Variants in ADGRE3 observed in about 807,000 individuals in gnomAD.
The protein encoded by ADGRE3 is EGF-like module receptor 3.
Under a neutral mutation model 80.1 loss-of-function variants are expected in ADGRE3, and 88 were observed. That is an observed-to-expected ratio of 1.10 (90% CI 0.93 to 1.31). The LOEUF is 1.31. Ranked by LOEUF, ADGRE3 falls within the 40% of genes most tolerant of loss-of-function variation. The pLI is 0.00. For missense variants in ADGRE3, 715 were observed against 776.5 expected (o/e 0.92, Z 0.94); for synonymous variants, 281 against 294.8 (o/e 0.95, Z 0.48).
the ADGRE3 span, chr19:14,610,016 A>G: frequency 3.6e-6 from 5 of 1,407,970 alleles, no homozygotes; most frequent in Middle Eastern, 1.8e-4. Context: ...GAAGAGTTTC[A>G]CCACCCTAAA....
At chr19:14,639,179 G>A (rs143353593) in intron 10 of ADGRE3, among the ~76,000 whole-genome samples, 8 of 152,114 alleles carry the variant, frequency 5.3e-5, no homozygotes, top group South Asian at 4.2e-4. Context: ...AGCATGAACC[G>A]CCACCCCAGT....
the ADGRE3 span, among the ~76,000 whole-genome samples, chr19:14,612,931 T>TTA: frequency 3.1e-3 from 385 of 124,020 alleles, 1 homozygote; most frequent in African/African-American, 9.5e-3. Flanking sequence ...ATCAATTTAT[T>TTA]TTTTTTTTTT....
the ADGRE3 span, among the ~76,000 whole-genome samples, chr19:14,605,563 C>T: frequency 1.7e-4 from 26 of 152,322 alleles, no homozygotes; most frequent in East Asian, 4.4e-3. Flanking sequence ...CTTTCCACCA[C>T]CCTAGAAAGT....
chr19:14,662,058 T>C lies in ADGRE3; in HGVS notation c.260A>G (p.Asn87Ser). The C allele has an allele frequency of 6.2e-7, 1 of 1,614,092 alleles. No individual in the cohort carries two copies. Among genetic ancestry groups the C allele is most frequent in the Non-Finnish European group, 8.5e-7 (1 of 1,179,932 alleles). The change falls in exon 4 of 16, where the codon AAT (asparagine) becomes AGT (serine). Residue 87 changes from asparagine to serine, a missense_variant. Asn to Ser is a conservative substitution (Grantham distance 46). Coordinates refer to ENST00000253673, the MANE Select transcript of ADGRE3 (RefSeq NM_032571.5). ...TTGACAGTAGAAACTTCCTTCGACA[T>C]TGTAACACACAGCGTTAAATCCACA... ...VYCGFNAVCY[N>S]VEGSFYCQCV...
chr19:14,643,727 T>C (rs1383617353), intron 9 of ADGRE3, among the ~76,000 whole-genome samples: 2 of 152,068 alleles, frequency 1.3e-5, no homozygotes, highest in East Asian at 3.9e-4. Flanking sequence ...TTTTTTTTTT[T>C]TGAGATGGAG....
intron 1 of ADGRE3, among the ~76,000 whole-genome samples, chr19:14,672,912 C>T (rs1184215815): frequency 6.6e-6 from 1 of 152,086 alleles, no homozygotes; most frequent in Non-Finnish European, 1.5e-5. Flanking sequence ...CATGCCCAAC[C>T]CTGGAATCCT....
rs578083484 is a variant in ADGRE3, at chr19:14,627,229, TC to T, written c.1813-1631del. Among the ~76,000 whole-genome samples the T allele has an allele frequency of 6.6e-5, 10 of 152,228 alleles. No homozygotes were observed. In the South Asian group the frequency reaches 2.1e-3, roughly 32 times the overall value. ...GCATTTCCCCAGACATTGCTAACTG[TC>T]CCGTGGTGGGAACACAATTGCTCCT... On this transcript the variant is annotated intron_variant, in intron 14 of 15. Coordinates refer to ENST00000253673, the MANE Select transcript of ADGRE3 (RefSeq NM_032571.5).
In ADGRE3 at chr19:14,659,469, T is replaced by A. The variant is rs570299905; in HGVS notation, c.356-919A>T. ...ATGATAACCGAAACAGAAGCATCAGTGTCTGGTCATCAGCTGTTAATGAAG... is the reference window on the plus strand; with the variant it reads ...ATGATAACCGAAACAGAAGCATCAGAGTCTGGTCATCAGCTGTTAATGAAG... On this transcript the variant is annotated intron_variant, in intron 4 of 15. Transcript: ENST00000253673. Among the ~76,000 whole-genome samples, 6 of 152,260 alleles carry A rather than the reference T, an allele frequency of 3.9e-5. No homozygotes were observed. The East Asian group carries it at 1.2e-3, about 29-fold the overall frequency.
Position 14,668,844 on chromosome 19 carries a change from A to G in ADGRE3, c.34T>C (p.Phe12Leu), listed in dbSNP as rs750555946. Residue 12 changes from phenylalanine to leucine, a missense_variant, in exon 2 of 16, where the codon TTT becomes CTT. Physicochemically the swap from Phe to Leu is conservative, Grantham distance 22. Coordinates refer to ENST00000253673, the MANE Select transcript of ADGRE3 (RefSeq NM_032571.5). ...ACAGCTCCAAAGAGGCTCAGCAGAA[A>G]GCAGAGGCCTGGAATAGATGGGAAA... ...QGPLLLPGLC[F>L]LLSLFGAVTQ... The G allele has an allele frequency of 1.2e-6, 2 of 1,614,146 alleles. No homozygotes were observed.
At chr19:14,642,581 C>T (rs1971283485) in intron 9 of ADGRE3, among the ~76,000 whole-genome samples, 1 of 152,162 alleles carries the variant, frequency 6.6e-6, no homozygotes. Context: ...CTCCCTCCTC[C>T]CACTCTCCAC....
In ADGRE3 at chr19:14,647,327, C is replaced by T. The variant is rs761869257; in HGVS notation, c.736G>A (p.Gly246Arg). 6.8e-6 allele frequency: 11 copies of T among 1,611,556 alleles called. No individual in the cohort carries two copies. Among genetic ancestry groups the T allele is most frequent in the Middle Eastern group, 1.6e-4 (1 of 6,080 alleles). Reference protein sequence around the residue: ...AIAFISYSSLGNIINATFFEE... With the variant: ...AIAFISYSSLRNIINATFFEE... Reference sequence around the variant, plus strand: ...AAAAAAGTTGCATTTATGATGTTTCCAAGAGAAGAATATGAGATAAAGGCA... The same window carrying T: ...AAAAAAGTTGCATTTATGATGTTTCTAAGAGAAGAATATGAGATAAAGGCA... Residue 246 changes from glycine (G) to arginine (R), a missense_variant, in exon 8 of 16, where the codon GGA becomes AGA. By Grantham distance (125) the Gly-to-Arg change is moderately radical. Coordinates refer to ENST00000253673, the MANE Select transcript of ADGRE3 (RefSeq NM_032571.5).
intron 6 of ADGRE3, among the ~76,000 whole-genome samples, chr19:14,654,572 T>A (rs956071177): frequency 6.6e-6 from 1 of 152,114 alleles, no homozygotes; most frequent in Non-Finnish European, 1.5e-5. Flanking sequence ...GTCCTCAAAC[T>A]ACATTTAAGT....
the ADGRE3 span, among the ~76,000 whole-genome samples, chr19:14,612,641 G>A: frequency 1.9e-3 from 282 of 152,070 alleles, 1 homozygote; most frequent in Middle Eastern, 3.4e-3. Flanking sequence ...GGCCTACAAC[G>A]ACCACTTTAA....
the ADGRE3 span, among the ~76,000 whole-genome samples, chr19:14,606,804 G>A: frequency 6.6e-6 from 1 of 152,060 alleles, no homozygotes; most frequent in Non-Finnish European, 1.5e-5. Flanking sequence ...AAAGTAGCAC[G>A]ATTATTCCCA....
chr19:14,605,937 A>C, the ADGRE3 span, among the ~76,000 whole-genome samples: 1 of 152,062 alleles, frequency 6.6e-6, no homozygotes, highest in African/African-American at 2.4e-5. Flanking sequence ...ATGGGGTCTC[A>C]GTATGTTGCC....
In ADGRE3 at chr19:14,663,085, C is replaced by T. The variant is rs796495506; in HGVS notation, c.199+333G>A. On this transcript the variant is annotated intron_variant, in intron 3 of 15. Coordinates refer to ENST00000253673, the MANE Select transcript of ADGRE3 (RefSeq NM_032571.5). Reference sequence around the variant, plus strand: ...TGGTGCAATCTCGGCTCACTGCAACCTCTGCCTCCCAGGTTCAAGCTATTC... The same window carrying T: ...TGGTGCAATCTCGGCTCACTGCAACTTCTGCCTCCCAGGTTCAAGCTATTC... Among the ~76,000 whole-genome samples, 10 of 151,950 alleles carry T rather than the reference C, an allele frequency of 6.6e-5. No homozygotes were observed. In the South Asian group the frequency reaches 1.9e-3, roughly 28 times the overall value.
rs112170698 is a variant in ADGRE3, at chr19:14,667,464, G to A, written c.76+1338C>T. Among the ~76,000 whole-genome samples the A allele has an allele frequency of 5.4e-3, 828 of 151,988 alleles. 5 individuals carry two copies. Among genetic ancestry groups the A allele is most frequent in the Non-Finnish European group, 9.5e-3 (645 of 67,972 alleles). On this transcript the variant is annotated intron_variant, in intron 2 of 15. Coordinates refer to ENST00000253673, the MANE Select transcript of ADGRE3 (RefSeq NM_032571.5). ...CCAAATGTCCATCAGTGATAGACTG[G>A]ATTAAGAAAATGTGGCATGTATACA...
chr19:14,661,842 G>T, intron 4 of ADGRE3, 121 bp downstream of exon 4: 1 of 1,034,382 alleles, frequency 9.7e-7, no homozygotes, highest in South Asian at 1.5e-5. Context: ...GGAGGTTTCA[G>T]CCACTGCACT....
rs1971249436 is a variant in ADGRE3, at chr19:14,641,581, C to T, written c.1086G>A (p.Val362=). 3 of 1,614,022 alleles carry T rather than the reference C, an allele frequency of 1.9e-6. No individual in the cohort carries two copies. The highest frequency in any genetic ancestry group is 8.5e-7 in the Non-Finnish European group (1 of 1,180,044). ...EDPVLTVITY[V]GLSVSLLCLL... ...GGCACAGCAGAGAGACGCTCAGCCC[C>T]ACGTAGGTGATGACAGTCAGCACGG... is the stretch of plus-strand genomic sequence containing the variant. Residue 362 remains valine, a synonymous_variant, in exon 10 of 16, where the codon GTG becomes GTA. Transcript: ENST00000253673.
Sources: allele counts gnomAD v4.1 joint callset (sites outside exome capture counted in the v4.1 genomes callset), GRCh38; gene constraint gnomAD v4.1.1; transcripts MANE v1.5; gene names NCBI Gene and HGNC (gene_info 2026-07-23, HGNC 2026-07-21).